ANO2: variants seen among roughly 807,000 people sequenced by gnomAD.
The protein encoded by ANO2 is anoctamin-2.
ANO2 carries 101 observed loss-of-function variants against 124.2 expected under a neutral mutation model. The observed-to-expected ratio is 0.81, with a 90% CI of 0.69 to 0.96. ANO2 has a LOEUF of 0.96. ANO2 is among the 40% of genes least tolerant of loss of function. ANO2 has a pLI of 0.00. For synonymous variants in ANO2, 486 were observed against 482.5 expected (o/e 1.01, Z -0.09); for missense variants, 1,293 against 1,274.5 (o/e 1.01, Z -0.22).
At chr12:5,825,448 G>A (rs914106275) in intron 7 of ANO2, among the ~76,000 whole-genome samples, 8 of 152,214 alleles carry the variant, frequency 5.3e-5, no homozygotes, top group Non-Finnish European at 2.9e-5. Flanking sequence ...ACTCACCATC[G>A]CCCCTAGTGA....
At chr12:5,763,085 T>C (rs1269486802) in intron 10 of ANO2, among the ~76,000 whole-genome samples, 1 of 152,044 alleles carries the variant, frequency 6.6e-6, no homozygotes, top group Non-Finnish European at 1.5e-5. Flanking sequence ...AAACTTTTGT[T>C]ATATTGACAA....
At chr12:5,767,831 T>A (rs2137116044) in intron 10 of ANO2, among the ~76,000 whole-genome samples, 1 of 152,292 alleles carries the variant, frequency 6.6e-6, no homozygotes, top group East Asian at 1.9e-4. Context: ...GCCCACAGGC[T>A]GTGGCTGGGA....
chr12:5,678,003 T>G (rs1297214587), intron 14 of ANO2, among the ~76,000 whole-genome samples: 1 of 151,896 alleles, frequency 6.6e-6, no homozygotes, highest in African/African-American at 2.4e-5. Context: ...ATCAGAGAGG[T>G]AGGGAAGAAA....
chr12:5,635,887 G>C lies in ANO2; in HGVS notation c.1621-540C>G, dbSNP rs1177015501. Among the ~76,000 whole-genome samples the C allele has an allele frequency of 2.0e-5, 3 of 152,160 alleles. No homozygotes were observed. The highest frequency in any genetic ancestry group is 7.2e-5 in the African/African-American group (3 of 41,438). ...GTGGGATTTAAAATGGAGTTTTCAT[G>C]AGAAGAAATAGAAAGCCATTGAAGG... On this transcript the variant is annotated intron_variant, in intron 15 of 24. Transcript: ENST00000682330. This position sits in a 1 kb window ranked among gnomAD's most constrained non-coding sequence, Gnocchi z 5.2.
intron 13 of ANO2, chr12:5,732,989 C>A: frequency 8.2e-7 from 1 of 1,213,742 alleles, no homozygotes. Flanking sequence ...GAGGGATATC[C>A]CTGGTCATCC....
chr12:5,569,415 G>T (rs976655507), intron 23 of ANO2, among the ~76,000 whole-genome samples: 3 of 152,152 alleles, frequency 2.0e-5, no homozygotes, highest in African/African-American at 7.2e-5. Flanking sequence ...GATGTTCCTG[G>T]ATCTCACCCT....
At chr12:5,898,745 G>A (rs757539039) in intron 3 of ANO2, among the ~76,000 whole-genome samples, 1 of 152,196 alleles carries the variant, frequency 6.6e-6, no homozygotes, top group African/African-American at 2.4e-5. Flanking sequence ...GTAGGGTCAC[G>A]ACTGGAAGGA....
intron 3 of ANO2, among the ~76,000 whole-genome samples, chr12:5,874,478 T>C (rs948671487): frequency 9.2e-5 from 14 of 152,190 alleles, no homozygotes; most frequent in African/African-American, 3.4e-4. Flanking sequence ...CAATCACTTT[T>C]ATCACCTCAA....
rs369484425 is a variant in ANO2 at position 5,612,655 on chromosome 12, C to T, written c.2087+1G>A. The T allele has an allele frequency of 4.2e-5, 67 of 1,612,978 alleles. No homozygotes were observed. The highest frequency in any genetic ancestry group is 2.8e-4 in the Admixed American group (17 of 60,004). On this transcript the variant is annotated splice_donor_variant, in intron 19 of 24. Coordinates refer to ENST00000682330, the MANE Select transcript of ANO2 (RefSeq NM_001364791.2). LOFTEE classifies it high-confidence loss of function. ...AGAGGTTAGAGGAGTTCATTACATA[C>T]GGGACTCCAATCTCAAAGATGTTGT...
intron 14 of ANO2, among the ~76,000 whole-genome samples, chr12:5,695,994 T>A (rs1007256819): frequency 2.0e-5 from 3 of 152,044 alleles, no homozygotes; most frequent in Non-Finnish European, 2.9e-5. Context: ...ATGTGTTGAG[T>A]TACAGGGGGA....
At chr12:5,855,279 C>T (rs915289460) in intron 3 of ANO2, among the ~76,000 whole-genome samples, 2 of 152,168 alleles carry the variant, frequency 1.3e-5, no homozygotes, top group African/African-American at 4.8e-5. Flanking sequence ...AGATAGATGG[C>T]AAATAGAAGA....
rs1488055166 is a variant in ANO2, at chr12:5,650,885, C to A, written c.1546-3084G>T. Among the ~76,000 whole-genome samples, 8 of 152,310 alleles carry A rather than the reference C, an allele frequency of 5.3e-5. No homozygotes were observed. In the East Asian group the frequency reaches 9.6e-4, roughly 18 times the overall value. On this transcript the variant is annotated intron_variant, in intron 14 of 24. Transcript: ENST00000682330. ...AGTTAGATCTATCACACCAAATTGCCATGCATTTAAAATTACCCAACCTAT... is the reference window on the plus strand; with the variant it reads ...AGTTAGATCTATCACACCAAATTGCAATGCATTTAAAATTACCCAACCTAT...
At position 5,636,359 on chromosome 12, in the gene ANO2, A is replaced by T. The variant is rs1946012187; in HGVS notation, c.1621-1012T>A. Among the ~76,000 whole-genome samples the T allele has an allele frequency of 6.6e-6, 1 of 152,094 alleles. No homozygotes were observed. The highest frequency in any genetic ancestry group is 1.5e-5 in the Non-Finnish European group (1 of 68,020). ...GAGTAAAGCCTCTTAGAGGGGATAG[A>T]AGAAGGAGAGACAACTGCTAGGTGC... is the stretch of plus-strand genomic sequence containing the variant. On this transcript the variant is annotated intron_variant, in intron 15 of 24. Transcript: ENST00000682330. The surrounding 1 kb of genome is among the most constrained non-coding windows in gnomAD (Gnocchi z 4.6).
intron 14 of ANO2, among the ~76,000 whole-genome samples, chr12:5,731,444 C>CA (rs1333288442): frequency 1.3e-5 from 2 of 151,646 alleles, no homozygotes; most frequent in African/African-American, 4.8e-5. Context: ...TGCATGTTAA[C>CA]ATGAATGGTT....
intron 15 of ANO2, among the ~76,000 whole-genome samples, chr12:5,642,287 T>C (rs1165925861): frequency 2.0e-5 from 3 of 152,182 alleles, no homozygotes; most frequent in Admixed American, 1.3e-4. Flanking sequence ...TCATGCAATC[T>C]TATAGCTTTA....
intron 19 of ANO2, among the ~76,000 whole-genome samples, chr12:5,609,800 C>T (rs1201911235): frequency 2.6e-5 from 4 of 151,410 alleles, no homozygotes; most frequent in African/African-American, 7.3e-5. Flanking sequence ...ACCTTCTCTA[C>T]CTGTAGCACC....
rs1047258344 is a variant in ANO2 at position 5,732,641 on chromosome 12, G to A, written c.1435-11C>T. On this transcript the variant is annotated splice_polypyrimidine_tract_variant and intron_variant, in intron 13 of 24. Transcript: ENST00000682330. The stretch of plus-strand genomic sequence containing the variant: ...AGGCCTGGAATGTTCCTAAACCAAA[G>A]AGCAGTGAGTGGTTAGTAAACAAAA... 3 of 1,609,798 alleles carry A rather than the reference G, an allele frequency of 1.9e-6. No individual in the cohort carries two copies. Among genetic ancestry groups the A allele is most frequent in the Admixed American group, 1.7e-5 (1 of 59,820 alleles).
In ANO2 at chr12:5,925,102, C is replaced by T. The variant is rs901533572; in HGVS notation, c.23-2298G>A. Among the ~76,000 whole-genome samples, 23 of 152,124 alleles carry T rather than the reference C, an allele frequency of 1.5e-4. No homozygotes were observed. Among genetic ancestry groups the T allele is most frequent in the African/African-American group, 5.1e-4 (21 of 41,420 alleles). On this transcript the variant is annotated intron_variant, in intron 1 of 24. Transcript: ENST00000682330. The surrounding 1 kb of genome is among the most constrained non-coding windows in gnomAD (Gnocchi z 4.6). ...TCTACCCCAGAGAAGACCTGGAAAC[C>T]TCTAGATGCATGTCTAAAAAGCCCA...
chr12:5,787,231 T>A lies in ANO2; in HGVS notation c.1055+12276A>T, dbSNP rs1952564806. Among the ~76,000 whole-genome samples, 1 of 152,146 alleles carries A rather than the reference T, an allele frequency of 6.6e-6. No individual in the cohort carries two copies. The highest frequency in any genetic ancestry group is 1.5e-5 in the Non-Finnish European group (1 of 68,020). ...CCAGTGCCCCAGCCAGAAGAACCCC[T>A]GATCCTTCAACTGATGACAATGGGC... On this transcript the variant is annotated intron_variant, in intron 10 of 24. Transcript: ENST00000682330. This position sits in a 1 kb window ranked among gnomAD's most constrained non-coding sequence, Gnocchi z 4.2.
Sources: gnomAD v4.1 joint callset for allele counts (sites outside exome capture counted in the v4.1 genomes callset) on GRCh38, gnomAD v4.1.1 for gene constraint, Gnocchi (gnomAD v3.1) non-coding constraint, MANE v1.5 for transcripts, NCBI Gene and HGNC (gene_info 2026-07-23, HGNC 2026-07-21) for gene names.